The following TRPC4AP variants were observed in gnomAD, a reference collection of about 807,000 sequenced individuals.
TRPC4AP encodes transient receptor potential cation channel subfamily C member 4 associated protein.
TRPC4AP carries 45 observed loss-of-function variants against 99.0 expected under a neutral mutation model. That is an observed-to-expected ratio of 0.45 (90% confidence interval 0.36 to 0.58). The LOEUF is 0.58. Ranked by LOEUF, TRPC4AP falls within the 20% of genes least tolerant of loss-of-function variation. The pLI, the probability that TRPC4AP is intolerant of heterozygous loss-of-function variation, is 0.00. For synonymous variants in TRPC4AP, 408 were observed against 385.8 expected (o/e 1.06, Z -0.67); for missense variants, 879 against 985.3 (o/e 0.89, Z 1.44).
chr20:35,011,641 TGTGACTGTGACC>T (rs1569083234), intron 11 of TRPC4AP, among the ~76,000 whole-genome samples: 21 of 152,042 alleles, frequency 1.4e-4, no homozygotes, highest in Admixed American at 4.6e-4. Context: ...CACAACACCC[TGTGACTGTGACC>T]CACAACGTCC....
chr20:35,064,796 G>A (rs2084100839), intron 3 of TRPC4AP, among the ~76,000 whole-genome samples: 1 of 152,120 alleles, frequency 6.6e-6, no homozygotes, highest in Admixed American at 6.5e-5. Context: ...TTTTCATCAT[G>A]AATTTTCCCA....
At chr20:35,088,040 C>A (rs1325315572) in intron 1 of TRPC4AP, among the ~76,000 whole-genome samples, 1 of 152,120 alleles carries the variant, frequency 6.6e-6, no homozygotes, top group Non-Finnish European at 1.5e-5. Flanking sequence ...CCATCCAGAG[C>A]TAAAAGGAGA....
chr20:35,082,852 A>G (rs2084682172), intron 1 of TRPC4AP, among the ~76,000 whole-genome samples: 1 of 152,216 alleles, frequency 6.6e-6, no homozygotes, highest in Non-Finnish European at 1.5e-5. Flanking sequence ...TTTAACATCC[A>G]TTCATGATAA....
chr20:35,061,607 G>C (rs1342549694), intron 3 of TRPC4AP, among the ~76,000 whole-genome samples: 1 of 152,198 alleles, frequency 6.6e-6, no homozygotes. Context: ...ACAATTCAAT[G>C]ATGAAAGAGT....
chr20:35,007,681 C>T, intron 13 of TRPC4AP, 41 bp from the exon 14 acceptor site: 1 of 1,603,958 alleles, frequency 6.2e-7, no homozygotes, highest in South Asian at 1.1e-5. Flanking sequence ...AGGCTGCCCT[C>T]TTCCGGCCCA....
chr20:35,087,505 T>A (rs2084920666), intron 1 of TRPC4AP, among the ~76,000 whole-genome samples: 1 of 152,088 alleles, frequency 6.6e-6, no homozygotes, highest in Non-Finnish European at 1.5e-5. Context: ...CTGAAGGGCA[T>A]CCAGGGATGG....
chr20:35,027,868 AT>A (rs1338868222), intron 8 of TRPC4AP, among the ~76,000 whole-genome samples: 1 of 151,936 alleles, frequency 6.6e-6, no homozygotes, highest in African/African-American at 2.4e-5. Flanking sequence ...TTCATTTCTA[AT>A]TTAGTAATTT....
intron 3 of TRPC4AP, among the ~76,000 whole-genome samples, chr20:35,059,029 T>A (rs2083911530): frequency 6.6e-6 from 1 of 152,008 alleles, no homozygotes; most frequent in Non-Finnish European, 1.5e-5. Context: ...TCTTCTACCT[T>A]AAGACACTGG....
chr20:35,027,078 G>A (rs2083049542), intron 8 of TRPC4AP, among the ~76,000 whole-genome samples: 2 of 152,112 alleles, frequency 1.3e-5, no homozygotes, highest in Non-Finnish European at 2.9e-5. Context: ...CCAATACGAT[G>A]CTGAAGAGAA....
rs1309520618 is a variant in TRPC4AP, at chr20:35,024,839, A to C, written c.1052-3483T>G. ...AGAGACCGTCTCAAAAAAAAAAAAA[A>C]AAAAAAAAAAAAAAAATTCTGTTTA... On this transcript the variant is annotated intron_variant, in intron 8 of 18. Transcript: ENST00000252015. 1.6e-5 allele frequency among the ~76,000 whole-genome samples: 2 copies of C among 124,158 alleles called. 1 individual carries two copies. The highest frequency in any genetic ancestry group is 3.5e-5 in the Non-Finnish European group (2 of 57,020). 81.5% of individuals were successfully genotyped at this position (124,158 alleles called of 152,430 possible).
chr20:35,061,463 G>A (rs2084006184), intron 3 of TRPC4AP, among the ~76,000 whole-genome samples: 1 of 152,154 alleles, frequency 6.6e-6, no homozygotes, highest in African/African-American at 2.4e-5. Context: ...TGGCTTCTTT[G>A]CAGAAATTGG....
At chr20:35,047,984 A>G (rs1413008002) in intron 6 of TRPC4AP, among the ~76,000 whole-genome samples, 5 of 152,164 alleles carry the variant, frequency 3.3e-5, no homozygotes, top group African/African-American at 1.2e-4. Context: ...ATAAACATTT[A>G]TCAGTAGTAT....
In TRPC4AP at chr20:35,075,966, C is replaced by CT. The variant is rs1364848916; in HGVS notation, c.297+2079dup. Among the ~76,000 whole-genome samples the CT allele has an allele frequency of 1.2e-4, 18 of 152,236 alleles. No individual in the cohort carries two copies. The East Asian group carries it at 1.4e-3, about 11-fold the overall frequency. On this transcript the variant is annotated intron_variant, in intron 2 of 18. Transcript: ENST00000252015. ...GAGGCTTTGTTTGTTTCTTTTTATT[C>CT]TTTTTTCTCTAAACTTCTCTTCTCG... is the stretch of plus-strand genomic sequence containing the variant.
At chr20:35,042,077 A>G (rs939990471) in intron 7 of TRPC4AP, among the ~76,000 whole-genome samples, 1 of 152,220 alleles carries the variant, frequency 6.6e-6, no homozygotes, top group Non-Finnish European at 1.5e-5. Context: ...TTTGTTACAT[A>G]TGTATATATG....
intron 16 of TRPC4AP, 69 bp downstream of exon 16, chr20:35,005,626 G>A: frequency 7.0e-7 from 1 of 1,434,288 alleles, no homozygotes. Context: ...CTCCCTGCTG[G>A]AGACAGGGTG....
chr20:35,088,632 G>T (rs1182251364), intron 1 of TRPC4AP, among the ~76,000 whole-genome samples: 1 of 152,110 alleles, frequency 6.6e-6, no homozygotes, highest in African/African-American at 2.4e-5. Context: ...CAACTTTATG[G>T]GATAGATGTT....
chr20:35,024,574 G>A (rs751997776), intron 8 of TRPC4AP, among the ~76,000 whole-genome samples: 5 of 151,846 alleles, frequency 3.3e-5, no homozygotes, highest in East Asian at 1.9e-4. Flanking sequence ...CTGTAATTCC[G>A]GCACTTTGGA....
chr20:35,004,490 T>G lies in TRPC4AP; in HGVS notation c.2017A>C (p.Ile673Leu). The G allele has an allele frequency of 6.2e-7, 1 of 1,614,052 alleles. No homozygotes were observed. Among genetic ancestry groups the G allele is most frequent in the Non-Finnish European group, 8.5e-7 (1 of 1,179,956 alleles). Residue 673 changes from isoleucine to leucine, a missense_variant, in exon 17 of 19, where the codon ATC (isoleucine) becomes CTC (leucine). Around this residue, in one of 3 missense-constraint regions of TRPC4AP, gnomAD observed 224 missense variants for 264.7 expected, o/e 0.85. Coordinates refer to ENST00000252015, the MANE Select transcript of TRPC4AP (RefSeq NM_015638.3). The part of the protein sequence containing the change: ...PTQMSFLFRL[I>L]NIIHVQTLTQ... ...AGCGTCTGCACGTGGATGATGTTGATGAGGCGGAAGAGGAAGGACATCTGC... is the reference window on the plus strand; with the variant it reads ...AGCGTCTGCACGTGGATGATGTTGAGGAGGCGGAAGAGGAAGGACATCTGC...
chr20:35,070,832 G>A (rs551138695), intron 2 of TRPC4AP, among the ~76,000 whole-genome samples: 56 of 152,118 alleles, frequency 3.7e-4, no homozygotes, highest in African/African-American at 1.3e-3. Flanking sequence ...TCAAACTGAC[G>A]GCCACAGAAT....
Sources: gnomAD v4.1 joint callset for allele counts (sites outside exome capture counted in the v4.1 genomes callset) on GRCh38, gnomAD v4.1.1 for gene constraint, gnomAD v4.1.1 regional missense constraint, MANE v1.5 for transcripts, NCBI Gene and HGNC (gene_info 2026-07-23, HGNC 2026-07-21) for gene names.